The following STK10 variants were observed in gnomAD, a reference collection of about 807,000 sequenced individuals.
The protein encoded by STK10 is serine/threonine kinase 10.
Under a neutral mutation model 113.8 loss-of-function variants are expected in STK10, and 78 were observed. That is an observed-to-expected ratio of 0.69 (90% CI 0.57 to 0.83). The LOEUF (loss-of-function observed/expected upper bound fraction) is 0.83. Among genes scored for constraint, STK10 ranks in the 40% least tolerant of loss-of-function variants. The pLI is 0.00. For synonymous variants in STK10, 465 were observed against 494.7 expected (o/e 0.94, Z 0.80); for missense variants, 1,109 against 1,280.1 (o/e 0.87, Z 2.04).
intron 2 of STK10, among the ~76,000 whole-genome samples, chr5:172,153,807 C>T (rs1770294214): frequency 6.6e-6 from 1 of 152,244 alleles, no homozygotes; most frequent in African/African-American, 2.4e-5. Context: ...CTCCCTTCTA[C>T]ACTTTTGCCC....
intron 14 of STK10, among the ~76,000 whole-genome samples, chr5:172,058,588 T>A (rs1192861806): frequency 6.6e-6 from 1 of 152,162 alleles, no homozygotes; most frequent in South Asian, 2.1e-4. Context: ...CCTCTTGTTA[T>A]TTTTAAAACA....
chr5:172,114,653 T>A (rs1021985115), intron 4 of STK10: 3 of 150,728 alleles, frequency 2.0e-5, no homozygotes, highest in African/African-American at 7.3e-5. Flanking sequence ...TGGCTAATTT[T>A]TTTGTATTTT....
intron 1 of STK10, among the ~76,000 whole-genome samples, chr5:172,178,334 G>A (rs1031939488): frequency 1.3e-5 from 2 of 152,174 alleles, no homozygotes; most frequent in African/African-American, 2.4e-5. Flanking sequence ...CTCATGGGCC[G>A]GCCTCTCTCC....
At chr5:172,079,501 C>T (rs752281267) in intron 12 of STK10, among the ~76,000 whole-genome samples, 4 of 152,082 alleles carry the variant, frequency 2.6e-5, no homozygotes, top group Non-Finnish European at 5.9e-5. Context: ...GTTTGTCTGG[C>T]TTCTCTGGAA....
At chr5:172,061,039 A>C in intron 14 of STK10, 100 bp downstream of exon 14, 1 of 1,450,692 alleles carries the variant, frequency 6.9e-7, no homozygotes, top group Non-Finnish European at 9.1e-7. Context: ...TTGGGGATGG[A>C]GAAGGCCTGG....
chr5:172,157,772 G>C (rs2113819224), intron 1 of STK10, among the ~76,000 whole-genome samples: 1 of 151,940 alleles, frequency 6.6e-6, no homozygotes, highest in African/African-American at 2.4e-5. Flanking sequence ...TGTGTTTTTA[G>C]TAGAGACAGG....
intron 10 of STK10, among the ~76,000 whole-genome samples, chr5:172,089,870 T>C (rs1038819991): frequency 6.6e-6 from 1 of 151,190 alleles, no homozygotes; most frequent in Admixed American, 6.6e-5. Flanking sequence ...ATTAAGTAGA[T>C]AGGTAGATGA....
Position 172,156,740 on chromosome 5 carries a change from T to G in STK10, c.205A>C (p.Thr69Pro). Residue 69 changes from threonine (T) to proline (P), a missense_variant, in exon 2 of 19, where the codon ACC becomes CCC. Coordinates refer to ENST00000176763, the MANE Select transcript of STK10 (RefSeq NM_005990.4). ...TCCTCCAGCTCCTCCTCACTCTTGG[T>G]TTCAATGACTTTGGCCGCAGCCAAA... is the stretch of plus-strand genomic sequence containing the variant. Reference protein sequence around the residue: ...GALAAAKVIETKSEEELEDYI... With the variant: ...GALAAAKVIEPKSEEELEDYI... 1 of 1,614,104 alleles carries G rather than the reference T, an allele frequency of 6.2e-7. No individual in the cohort carries two copies. Among genetic ancestry groups the G allele is most frequent in the Non-Finnish European group, 8.5e-7 (1 of 1,179,986 alleles).
intron 13 of STK10, 27 bp downstream of exon 13, chr5:172,064,693 G>A (rs3812020): frequency 0.062 from 99,683 of 1,610,142 alleles, 6,619 homozygotes; most frequent in African/African-American, 0.34. Flanking sequence ...CAGCCCCTGC[G>A]CTCCCCAGCT....
intron 4 of STK10, among the ~76,000 whole-genome samples, chr5:172,112,332 G>C (rs571290943): frequency 2.6e-5 from 4 of 151,990 alleles, no homozygotes; most frequent in Non-Finnish European, 5.9e-5. Flanking sequence ...CACACACACC[G>C]GTCTGGAAGT....
intron 7 of STK10, among the ~76,000 whole-genome samples, chr5:172,103,771 C>T (rs1769043950): frequency 6.6e-6 from 1 of 151,404 alleles, no homozygotes; most frequent in African/African-American, 2.4e-5. Context: ...AAAATAAATA[C>T]CTCAGTCCTA....
chr5:172,096,935 G>A (rs1768868774), intron 7 of STK10, among the ~76,000 whole-genome samples: 1 of 152,244 alleles, frequency 6.6e-6, no homozygotes, highest in Non-Finnish European at 1.5e-5. Flanking sequence ...AAGGGAGGGT[G>A]TCTATTTTCC....
At chr5:172,140,730 A>T (rs746344302) in intron 2 of STK10, among the ~76,000 whole-genome samples, 17 of 152,140 alleles carry the variant, frequency 1.1e-4, no homozygotes, top group Non-Finnish European at 2.2e-4. Context: ...AAATAAAAAT[A>T]GAACTACTAT....
At chr5:172,126,711 T>C (rs1350206660) in intron 3 of STK10, among the ~76,000 whole-genome samples, 1 of 152,236 alleles carries the variant, frequency 6.6e-6, no homozygotes, top group African/African-American at 2.4e-5. Context: ...GTGATCATCG[T>C]CGTCATTATT....
At chr5:172,057,536 GC>G in intron 14 of STK10, 63 bp from the exon 15 acceptor site, 3 of 1,520,030 alleles carry the variant, frequency 2.0e-6, no homozygotes, top group Non-Finnish European at 8.9e-7. Flanking sequence ...CAGGCCCCCT[GC>G]CCCCCACCTC....
intron 1 of STK10, among the ~76,000 whole-genome samples, chr5:172,186,270 C>A (rs565507490): frequency 1.3e-5 from 2 of 151,244 alleles, no homozygotes; most frequent in African/African-American, 4.9e-5. Context: ...AGTGAGACTC[C>A]GTCTCACAAA....
chr5:172,144,043 G>A lies in STK10; in HGVS notation c.321+12581C>T, dbSNP rs1770031408. On this transcript the variant is annotated intron_variant, in intron 2 of 18. Transcript: ENST00000176763. ...GATGGCTGCCATTACTGAGCCGCTA[G>A]TGCATACGTGGCATGGCGCTAAGTG... 3.3e-5 allele frequency among the ~76,000 whole-genome samples: 5 copies of A among 152,246 alleles called. No individual in the cohort carries two copies. In the South Asian group the frequency reaches 1.0e-3, roughly 31 times the overall value.
At chr5:172,096,334 G>C (rs1768852975) in intron 8 of STK10, 92 bp downstream of exon 8, 1 of 1,564,266 alleles carries the variant, frequency 6.4e-7, no homozygotes, top group Admixed American at 1.7e-5. Context: ...CTGAGCCAGA[G>C]TCCTGGCCTT....
chr5:172,108,115 T>C (rs1769157115), intron 4 of STK10: 3 of 350,534 alleles, frequency 8.6e-6, no homozygotes, highest in Admixed American at 9.0e-5. Context: ...ACCTTTAAAA[T>C]ACCCATACCA....
Sources: gnomAD v4.1 joint callset for allele counts (sites outside exome capture counted in the v4.1 genomes callset) on GRCh38, gnomAD v4.1.1 for gene constraint, MANE v1.5 for transcripts, NCBI Gene and HGNC (gene_info 2026-07-23, HGNC 2026-07-21) for gene names.